The following STON2 variants were observed in gnomAD, a reference collection of about 807,000 sequenced individuals.
STON2 encodes the protein stonin-2.
STON2 carries 29 observed loss-of-function variants against 65.7 expected under a neutral mutation model. The observed-to-expected ratio is 0.44, with a 90% CI of 0.33 to 0.60. STON2 has a LOEUF of 0.60. STON2 is among the 20% of genes least tolerant of loss of function. STON2 has a pLI of 0.03. For missense variants in STON2, 1,054 were observed against 1,118.1 expected, an observed-to-expected ratio of 0.94 and a Z score of 0.82; for synonymous variants, 404 against 414.2, an observed-to-expected ratio of 0.98 and a Z score of 0.30.
At chr14:81,408,157 A>ACACACGCG (rs147841517) in intron 2 of STON2, among the ~76,000 whole-genome samples, 13,652 of 150,286 alleles carry the variant, frequency 0.091, 1,298 homozygotes, top group African/African-American at 0.24. Context: ...ACACACACAC[A>ACACACGCG]CGCGCACACA....
intron 1 of STON2, among the ~76,000 whole-genome samples, chr14:81,431,113 G>A (rs917861025): frequency 1.3e-5 from 2 of 152,166 alleles, no homozygotes; most frequent in African/African-American, 4.8e-5. Flanking sequence ...GACCTGGAGA[G>A]GGAAACAGTT....
chr14:81,391,048 T>C (rs1319911094), intron 3 of STON2, among the ~76,000 whole-genome samples: 1 of 152,214 alleles, frequency 6.6e-6, no homozygotes, highest in African/African-American at 2.4e-5. Flanking sequence ...TAAGGATGCA[T>C]GTGATTGCAG....
chr14:81,331,278 C>T (rs1897203698), intron 4 of STON2, among the ~76,000 whole-genome samples: 2 of 152,184 alleles, frequency 1.3e-5, no homozygotes, highest in South Asian at 4.1e-4. Context: ...GACTTTAGCC[C>T]CATGTGTCTT....
intron 3 of STON2, among the ~76,000 whole-genome samples, chr14:81,383,415 TA>T (rs1334273813): frequency 3.9e-5 from 6 of 152,214 alleles, no homozygotes; most frequent in African/African-American, 9.7e-5. Context: ...TTCTCAAACA[TA>T]TATTTTTGTC....
At chr14:81,352,486 G>C (rs567945682) in intron 4 of STON2, among the ~76,000 whole-genome samples, 73 of 152,202 alleles carry the variant, frequency 4.8e-4, no homozygotes, top group Non-Finnish European at 9.7e-4. Context: ...TATCTAGTTT[G>C]AATCACCTGA....
intron 3 of STON2, among the ~76,000 whole-genome samples, chr14:81,390,027 A>G (rs1319124410): frequency 6.6e-6 from 1 of 152,082 alleles, no homozygotes; most frequent in Non-Finnish European, 1.5e-5. Flanking sequence ...AGCCTGGCCA[A>G]CATAATGAAA....
At chr14:81,373,999 CTTTTTTTTTTTTTT>C (rs57877137) in intron 3 of STON2, among the ~76,000 whole-genome samples, 2 of 60,470 alleles carry the variant, frequency 3.3e-5, no homozygotes, top group Admixed American at 2.3e-4. Context: ...ATAATAATGC[CTTTTTTTTTTTTTT>C]TTTTTTTTTT....
chr14:81,363,666 G>A (rs1335494676), intron 4 of STON2, among the ~76,000 whole-genome samples: 1 of 152,156 alleles, frequency 6.6e-6, no homozygotes, highest in East Asian at 1.9e-4. Context: ...TTTTGAGGAA[G>A]GAAAATATTG....
chr14:81,344,725 CA>C (rs1424248499), intron 4 of STON2, among the ~76,000 whole-genome samples: 1 of 152,204 alleles, frequency 6.6e-6, no homozygotes, highest in Non-Finnish European at 1.5e-5. Context: ...TTCTCGCATG[CA>C]AATTCCCAAT....
chr14:81,314,875 G>A (rs1431764393), intron 5 of STON2, among the ~76,000 whole-genome samples: 1 of 152,038 alleles, frequency 6.6e-6, no homozygotes, highest in Non-Finnish European at 1.5e-5. Flanking sequence ...TTAGAGACGG[G>A]GGTATTACTC....
chr14:81,375,845 G>T (rs890040733), intron 3 of STON2, among the ~76,000 whole-genome samples: 8 of 150,792 alleles, frequency 5.3e-5, no homozygotes, highest in Non-Finnish European at 1.0e-4. Context: ...ACAAATACTG[G>T]TTATGATACA....
chr14:81,266,671 A>G lies in STON2; in HGVS notation c.*1743T>C. 1.0e-6 allele frequency: 1 copy of G among 985,316 alleles called. No individual in the cohort carries two copies. Among genetic ancestry groups the G allele is most frequent in the South Asian group, 4.7e-5 (1 of 21,280 alleles). 61.0% of individuals were successfully genotyped at this position (985,316 alleles called of 1,614,324 possible). On this transcript the variant is annotated 3_prime_UTR_variant, in exon 8 of 8. Transcript: ENST00000614646. ...AAAAGCATGTAAGGCTTTTATTAAC[A>G]CCAGCTGACTACATTAGCTTTGTGA...
intron 4 of STON2, among the ~76,000 whole-genome samples, chr14:81,358,437 C>T (rs1002645179): frequency 6.6e-6 from 1 of 151,936 alleles, no homozygotes; most frequent in Non-Finnish European, 1.5e-5. Flanking sequence ...CAAAGCATAC[C>T]ACTACAGAAA....
chr14:81,379,189 A>T (rs915798425), intron 3 of STON2, among the ~76,000 whole-genome samples: 8 of 152,342 alleles, frequency 5.3e-5, no homozygotes, highest in African/African-American at 1.9e-4. Context: ...TTAATTAAAA[A>T]ATCAACATAT....
At position 81,268,353 on chromosome 14, in the gene STON2, A is replaced by G. The variant is rs1427383195; in HGVS notation, c.*61T>C. ...CAGCTACTCAGGAAGACACCCTATC[A>G]TGACTCAGGAAGACACCCTATCATG... On this transcript the variant is annotated 3_prime_UTR_variant, in exon 8 of 8. Coordinates refer to ENST00000614646, the MANE Select transcript of STON2 (RefSeq NM_001394390.1). The G allele has an allele frequency of 7.8e-7, 1 of 1,284,790 alleles. No individual in the cohort carries two copies. The highest frequency in any genetic ancestry group is 1.0e-6 in the Non-Finnish European group (1 of 986,924). The allele number at this position is 1,284,790 out of a possible 1,614,324, so 79.6% of individuals were successfully genotyped here. A position where few individuals can be genotyped will look rare whatever the true frequency, so the allele number is the denominator to read the frequency against.
intron 3 of STON2, among the ~76,000 whole-genome samples, chr14:81,389,892 C>T (rs926530351): frequency 6.6e-6 from 1 of 152,202 alleles, no homozygotes; most frequent in Non-Finnish European, 1.5e-5. Context: ...TTCCTCAGAG[C>T]CAGTTTCAAA....
chr14:81,355,903 T>C (rs1000631593), intron 4 of STON2, among the ~76,000 whole-genome samples: 22 of 152,122 alleles, frequency 1.4e-4, no homozygotes, highest in African/African-American at 5.3e-4. Flanking sequence ...TAAGGAGATT[T>C]TGGGCTGAGA....
At chr14:81,376,626 A>C (rs1834957120) in intron 3 of STON2, among the ~76,000 whole-genome samples, 1 of 152,294 alleles carries the variant, frequency 6.6e-6, no homozygotes, top group South Asian at 2.1e-4. Context: ...TCATTTTATA[A>C]GGTTAGCATT....
rs1322021458 is a variant in STON2, at chr14:81,261,147, G to C, written c.*7267C>G. On this transcript the variant is annotated 3_prime_UTR_variant, in exon 8 of 8. Coordinates refer to ENST00000614646, the MANE Select transcript of STON2 (RefSeq NM_001394390.1). Reference sequence around the variant, plus strand: ...TCTCTTCCCTCACCCCTATACTTTAGAACTCTCACACCCAACAATTTGCTG... The same window carrying C: ...TCTCTTCCCTCACCCCTATACTTTACAACTCTCACACCCAACAATTTGCTG... 1.3e-5 allele frequency: 2 copies of C among 152,114 alleles called. No homozygotes were observed. Among genetic ancestry groups the C allele is most frequent in the Non-Finnish European group, 2.9e-5 (2 of 68,046 alleles). The allele number at this position is 152,114 out of a possible 1,614,324, so 9.4% of individuals were successfully genotyped here.
Sources: allele counts gnomAD v4.1 joint callset (sites outside exome capture counted in the v4.1 genomes callset), GRCh38; gene constraint gnomAD v4.1.1; transcripts MANE v1.5; gene names NCBI Gene and HGNC (gene_info 2026-07-23, HGNC 2026-07-21).